The following DMD variants were observed in gnomAD, a reference collection of about 807,000 sequenced individuals.
DMD encodes mutant dystrophin.
Under a neutral mutation model 330.1 loss-of-function variants are expected in DMD, and 63 were observed. The ratio of observed to expected loss-of-function variants is 0.19; its 90% CI spans 0.16 to 0.24. The LOEUF (loss-of-function observed/expected upper bound fraction) is 0.24. DMD is among the 10% of genes least tolerant of loss of function. The pLI, the probability that DMD is intolerant of heterozygous loss-of-function variation, is 1.00. For synonymous variants in DMD, 1,223 were observed against 959.8 expected, an observed-to-expected ratio of 1.27 and a Z score of -5.07; for missense variants, 3,344 against 2,684.1, an observed-to-expected ratio of 1.25 and a Z score of -5.43.
intron 1 of DMD, among the ~76,000 whole-genome samples, chrX:33,310,858 T>G (rs1192973724): frequency 9.0e-6 from 1 of 111,118 alleles, no homozygotes; most frequent in African/African-American, 3.3e-5. Context: ...ATAGCTGTAA[T>G]GTTGACAATA....
At chrX:32,904,195 T>C (rs1388378349) in intron 2 of DMD, among the ~76,000 whole-genome samples, 1 of 112,052 alleles carries the variant, frequency 8.9e-6, no homozygotes, top group Non-Finnish European at 1.9e-5. Context: ...TCTTTTTTCT[T>C]AAAATATAAA....
intron 7 of DMD, among the ~76,000 whole-genome samples, chrX:32,737,711 G>T (rs1490776322): frequency 1.8e-5 from 2 of 111,541 alleles, no homozygotes; most frequent in Non-Finnish European, 3.8e-5. Context: ...AGGTGTATAG[G>T]CCAGGCCCAC....
chrX:32,809,938 AAAAAAAAAGAAAGAAAG>A (rs2077235484), intron 6 of DMD, among the ~76,000 whole-genome samples: 1 of 93,354 alleles, frequency 1.1e-5, no homozygotes, highest in Non-Finnish European at 2.1e-5. Flanking sequence ...AAAAAAAAAA[AAAAAAAAAGAAAGAAAG>A]AAAGAAAGAA....
intron 62 of DMD, among the ~76,000 whole-genome samples, chrX:31,294,365 T>C (rs2054004886): frequency 8.9e-6 from 1 of 112,221 alleles, no homozygotes; most frequent in African/African-American, 3.2e-5. Flanking sequence ...TAAAGTGCTA[T>C]ACAAACACAT....
intron 44 of DMD, among the ~76,000 whole-genome samples, chrX:32,171,685 A>T (rs113655452): frequency 0.072 from 8,054 of 111,549 alleles, 248 homozygotes; most frequent in African/African-American, 0.11. Flanking sequence ...ATGTGAAGAT[A>T]ATCATATTCA....
intron 44 of DMD, among the ~76,000 whole-genome samples, chrX:31,976,391 G>A (rs2095436247): frequency 9.0e-6 from 1 of 111,018 alleles, no homozygotes; most frequent in Admixed American, 9.6e-5. Flanking sequence ...CTCCAAATGT[G>A]TTTGAGTCCC....
Position 31,569,559 on chromosome X carries a change from T to A in DMD, c.8217+58114A>T, listed in dbSNP as rs1037760529. Among the ~76,000 whole-genome samples the A allele has an allele frequency of 4.2e-4, 40 of 95,412 alleles. 1 individual carries two copies. The highest frequency in any genetic ancestry group is 5.5e-3 in the Middle Eastern group (1 of 181). 82.9% of individuals were successfully genotyped at this position (95,412 alleles called of 115,157 possible). A position where few individuals can be genotyped will look rare whatever the true frequency, so the allele number is the denominator to read the frequency against. On this transcript the variant is annotated intron_variant, in intron 55 of 78. Transcript: ENST00000357033. ...TCCTATCAGCATTCTAGAGTGTTTT[T>A]TATATATATATGTGTATATATATAA...
At chrX:32,218,567 A>T (rs1274164061) in intron 43 of DMD, among the ~76,000 whole-genome samples, 1 of 111,967 alleles carries the variant, frequency 8.9e-6, no homozygotes, top group African/African-American at 3.2e-5. Flanking sequence ...GTAACACTAG[A>T]AGTTTTAAAT....
intron 2 of DMD, among the ~76,000 whole-genome samples, chrX:32,864,161 G>A (rs182785434): frequency 2.7e-5 from 3 of 110,206 alleles, no homozygotes; most frequent in Admixed American, 9.5e-5. Flanking sequence ...TCAGAAAGAT[G>A]CGAGTTACAC....
Position 31,478,151 on chromosome X carries a change from G to A in DMD, c.8892C>T (p.Gly2964=), listed in dbSNP as rs2067944132. 1 of 1,210,313 alleles carries A rather than the reference G, an allele frequency of 8.3e-7. No homozygotes were observed. The highest frequency in any genetic ancestry group is 1.1e-6 in the Non-Finnish European group (1 of 894,907). ...EVIKGSWQPV[G]DLLIDSLQDH... ...CTTGGAGAGAGTCAATGAGGAGATC[G>A]CCCACGGGCTGCCAGGATCCCTTGA... Residue 2964 remains glycine (G), a synonymous_variant, in exon 59 of 79, where the codon GGC becomes GGT. Transcript: ENST00000357033.
intron 41 of DMD, among the ~76,000 whole-genome samples, chrX:32,322,001 C>T (rs1408775094): frequency 9.0e-6 from 1 of 110,584 alleles, no homozygotes; most frequent in South Asian, 3.8e-4. Flanking sequence ...ATGATCATGG[C>T]TAAAAATAAA....
chrX:31,263,478 T>A (rs1234145980), intron 62 of DMD, among the ~76,000 whole-genome samples: 2 of 111,997 alleles, frequency 1.8e-5, no homozygotes, highest in East Asian at 5.6e-4. Flanking sequence ...TTTTTTTTAA[T>A]CCATCAGTCC....
Position 33,098,209 on chromosome X carries a change from G to A in DMD, c.32-78009C>T, listed in dbSNP as rs149469711. Among the ~76,000 whole-genome samples, 679 of 111,386 alleles carry A rather than the reference G, an allele frequency of 6.1e-3. 5 individuals carry two copies. The highest frequency in any genetic ancestry group is 0.021 in the African/African-American group (635 of 30,650). ...TCAGAAAGATTCATCCCAGTTTAGC[G>A]GAAGAGAAAACGAAGCCTCAACACC... On this transcript the variant is annotated intron_variant, in intron 1 of 78. Coordinates refer to ENST00000357033, the MANE Select transcript of DMD (RefSeq NM_004006.3).
At chrX:31,979,087 T>C (rs989395128) in intron 44 of DMD, among the ~76,000 whole-genome samples, 9 of 111,940 alleles carry the variant, frequency 8.0e-5, no homozygotes, top group African/African-American at 2.3e-4. Context: ...CAAGGACTCA[T>C]TCTGTCATGC....
chrX:32,518,644 A>T (rs746997041), intron 17 of DMD, among the ~76,000 whole-genome samples: 1 of 110,980 alleles, frequency 9.0e-6, no homozygotes, highest in African/African-American at 3.3e-5. Flanking sequence ...TCAGAGCTTG[A>T]CTTTTTAGAG....
chrX:33,303,322 C>T (rs767595412), intron 1 of DMD, among the ~76,000 whole-genome samples: 3 of 111,075 alleles, frequency 2.7e-5, no homozygotes, highest in East Asian at 5.7e-4. Context: ...CCAAAATAAG[C>T]TTAGTTTCAG....
At chrX:31,882,057 A>T (rs1166826078) in intron 47 of DMD, among the ~76,000 whole-genome samples, 1 of 112,274 alleles carries the variant, frequency 8.9e-6, no homozygotes, top group African/African-American at 3.2e-5. Flanking sequence ...ATTCAATGCA[A>T]TCTCAATCAA....
intron 74 of DMD, among the ~76,000 whole-genome samples, chrX:31,161,452 A>T (rs771027778): frequency 8.9e-6 from 1 of 112,271 alleles, no homozygotes; most frequent in Admixed American, 9.4e-5. Context: ...AATAGAATTC[A>T]GTATGTCTGA....
chrX:32,155,142 C>A (rs2096824531), intron 44 of DMD, among the ~76,000 whole-genome samples: 1 of 109,141 alleles, frequency 9.2e-6, no homozygotes, highest in African/African-American at 3.3e-5. Context: ...TTTTTAAATG[C>A]TTTGATTCCC....
Sources: allele counts gnomAD v4.1 joint callset (sites outside exome capture counted in the v4.1 genomes callset), GRCh38; gene constraint gnomAD v4.1.1; transcripts MANE v1.5; gene names NCBI Gene and HGNC (gene_info 2026-07-23, HGNC 2026-07-21).